The following CP variants were observed in gnomAD, a reference collection of about 807,000 sequenced individuals.
CP encodes ceruloplasmin.
CP carries 64 observed loss-of-function variants against 122.4 expected under a neutral mutation model. The observed-to-expected ratio is 0.52, with a 90% confidence interval of 0.43 to 0.64. The LOEUF is 0.64. Ranked by LOEUF, CP falls within the 30% of genes least tolerant of loss-of-function variation. CP has a pLI of 0.00. For missense variants in CP, 1,167 were observed against 1,284.4 expected, an observed-to-expected ratio of 0.91 and a Z score of 1.40; for synonymous variants, 440 against 436.4, an observed-to-expected ratio of 1.01 and a Z score of -0.10.
At chr3:149,201,997 AAC>A in intron 7 of CP, 103 bp downstream of exon 7, 2 of 1,424,144 alleles carry the variant, frequency 1.4e-6, no homozygotes, top group Non-Finnish European at 2.0e-6. Context: ...ACGCCTACTT[AAC>A]ACATAGAAAT....
rs1727176212 is a variant in CP at position 149,199,797 on chromosome 3, G to A, written c.1416C>T (p.Pro472=). The change falls in exon 8 of 19, where the codon CCC becomes CCT. Residue 472 remains proline, a synonymous_variant. Coordinates refer to ENST00000264613, the MANE Select transcript of CP (RefSeq NM_000096.4). ...RVTFHNKGAY[P]LSIEPIGVRF... The stretch of plus-strand genomic sequence containing the variant: ...TCACCCCAATCGGCTCAATACTGAG[G>A]GGATATGCTCCTTTGTTATGGAAGG... The A allele has an allele frequency of 6.2e-7, 1 of 1,614,084 alleles. No homozygotes were observed. The highest frequency in any genetic ancestry group is 2.2e-5 in the East Asian group (1 of 44,882).
intron 7 of CP, among the ~76,000 whole-genome samples, chr3:149,201,762 AT>A (rs1196487356): frequency 2.0e-5 from 3 of 151,764 alleles, no homozygotes; most frequent in African/African-American, 7.3e-5. Flanking sequence ...CGCCCTGCTA[AT>A]TTTTGTATTT....
At chr3:149,208,049 A>G (rs559327245) in intron 4 of CP, among the ~76,000 whole-genome samples, 1 of 152,284 alleles carries the variant, frequency 6.6e-6, no homozygotes, top group African/African-American at 2.4e-5. Context: ...GAAAATTTCC[A>G]ATTTTCTACC....
chr3:149,207,350 A>G lies in CP; in HGVS notation c.1036+13T>C. ...TTTCAGCTGACTGCTAATTTCAGGT[A>G]AAGATGTCCTACCTTTCAGATGGTT... On this transcript the variant is annotated intron_variant, in intron 5 of 18. Coordinates refer to ENST00000264613, the MANE Select transcript of CP (RefSeq NM_000096.4). 2 of 1,613,848 alleles carry G rather than the reference A, an allele frequency of 1.2e-6. No homozygotes were observed. Among genetic ancestry groups the G allele is most frequent in the African/African-American group, 1.3e-5 (1 of 75,046 alleles).
intron 14 of CP, among the ~76,000 whole-genome samples, chr3:149,181,593 C>T (rs1242419395): frequency 6.6e-6 from 1 of 152,048 alleles, no homozygotes; most frequent in Non-Finnish European, 1.5e-5. Flanking sequence ...TAATATATGC[C>T]AGATACTGTA....
intron 8 of CP, 53 bp from the exon 9 acceptor site, chr3:149,198,631 T>G (rs959498303): frequency 6.6e-7 from 1 of 1,509,346 alleles, no homozygotes; most frequent in African/African-American, 1.4e-5. Flanking sequence ...ACGTGGTCAT[T>G]TGAGCCACAA....
intron 2 of CP, 65 bp downstream of exon 2, chr3:149,212,386 T>C: frequency 6.3e-7 from 1 of 1,584,812 alleles, no homozygotes; most frequent in Non-Finnish European, 8.7e-7. Flanking sequence ...TCCACAATTT[T>C]AGAAGCTAAA....
rs551728579 is a variant in CP, at chr3:149,189,332, T to C, written c.1714-1130A>G. Among the ~76,000 whole-genome samples, 162 of 152,124 alleles carry C rather than the reference T, an allele frequency of 1.1e-3. 2 individuals are homozygous for C. Among genetic ancestry groups the C allele is most frequent in the Middle Eastern group, 3.4e-3 (1 of 294 alleles). On this transcript the variant is annotated intron_variant, in intron 9 of 18. Coordinates refer to ENST00000264613, the MANE Select transcript of CP (RefSeq NM_000096.4). The stretch of plus-strand genomic sequence containing the variant: ...ACTTTGGGAGGCCAAGGCATGTGGA[T>C]CACGAGGTCAGGAGATCGAGACCAT...
At chr3:149,208,273 T>C (rs530473714) in intron 4 of CP, among the ~76,000 whole-genome samples, 1 of 152,230 alleles carries the variant, frequency 6.6e-6, no homozygotes, top group African/African-American at 2.4e-5. Flanking sequence ...CCTAAAAATT[T>C]CCCAAGTGGA....
intron 2 of CP, among the ~76,000 whole-genome samples, chr3:149,211,432 T>C (rs1728091457): frequency 6.6e-6 from 1 of 152,246 alleles, no homozygotes; most frequent in African/African-American, 2.4e-5. Flanking sequence ...CTCAGACCTT[T>C]GTCTATTAAT....
chr3:149,173,162 C>G lies in CP; in HGVS notation c.*552G>C, dbSNP rs899837516. The G allele has an allele frequency of 6.6e-6, 1 of 152,246 alleles. No homozygotes were observed. Among genetic ancestry groups the G allele is most frequent in the African/African-American group, 2.4e-5 (1 of 41,462 alleles). The allele number at this position is 152,246 out of a possible 1,614,324, so 9.4% of individuals were successfully genotyped here. On this transcript the variant is annotated 3_prime_UTR_variant, in exon 19 of 19. Transcript: ENST00000264613. ...TAATCTATAGAATTGTCTCTCAACT[C>G]TGCTTTTCTCCAGTTCCAGATAACG...
In CP at chr3:149,186,649, C is replaced by T. The variant is rs776936158; in HGVS notation, c.1948G>A (p.Gly650Arg). 21 of 1,614,010 alleles carry T rather than the reference C, an allele frequency of 1.3e-5. No individual in the cohort carries two copies. The highest frequency in any genetic ancestry group is 3.3e-5 in the South Asian group (3 of 91,084). ...DSVVWYLFSAGNEADVHGIYF... is the reference protein window; with the variant it reads ...DSVVWYLFSARNEADVHGIYF... ...ATTCCATGTACATCGGCCTCATTTC[C>T]GGCGCTGAATAAGTACCACACGACC... The change falls in exon 11 of 19, where the codon GGA (glycine) becomes AGA (arginine). Residue 650 changes from glycine (G) to arginine (R), a missense_variant. Coordinates refer to ENST00000264613, the MANE Select transcript of CP (RefSeq NM_000096.4).
In CP at chr3:149,202,216, C is replaced by T; in HGVS notation, c.1234G>A (p.Gly412Ser). The change falls in exon 7 of 19, where the codon GGT becomes AGT. Residue 412 changes from glycine to serine, a missense_variant. Physicochemically the swap from Gly to Ser is moderately conservative, Grantham distance 56. Around this residue, in one of 2 missense-constraint regions of CP, gnomAD observed 642 missense variants for 627.3 expected, o/e 1.02. Transcript: ENST00000264613. ...GSDSAVFFEQGTTRIGGSYKK... is the reference protein window; with the variant it reads ...GSDSAVFFEQSTTRIGGSYKK... The stretch of plus-strand genomic sequence containing the variant: ...TAAGAGCCTCCAATTCTTGTGGTAC[C>T]TTGTTCAAAAAACACCGCTGAGTCA... 1 of 1,614,110 alleles carries T rather than the reference C, an allele frequency of 6.2e-7. No individual in the cohort carries two copies. The highest frequency in any genetic ancestry group is 1.3e-5 in the African/African-American group (1 of 75,018).
intron 9 of CP, among the ~76,000 whole-genome samples, chr3:149,197,974 C>A (rs1559948786): frequency 6.6e-6 from 1 of 152,066 alleles, no homozygotes; most frequent in Non-Finnish European, 1.5e-5. Flanking sequence ...TTAAATGATA[C>A]CATACGATAA....
At chr3:149,186,476 T>G (rs1387210420) in intron 11 of CP, 44 bp downstream of exon 11, 5 of 1,584,510 alleles carry the variant, frequency 3.2e-6, no homozygotes, top group Non-Finnish European at 2.6e-6. Flanking sequence ...AAACCAAAAC[T>G]ACACAAATCC....
intron 6 of CP, among the ~76,000 whole-genome samples, chr3:149,202,572 G>A (rs1727406239): frequency 6.6e-6 from 1 of 150,776 alleles, no homozygotes; most frequent in Non-Finnish European, 1.5e-5. Flanking sequence ...AAAACACAGT[G>A]GCTAGTTTTT....
chr3:149,181,209 T>C (rs1275590875), intron 14 of CP, among the ~76,000 whole-genome samples: 1 of 152,154 alleles, frequency 6.6e-6, no homozygotes, highest in Non-Finnish European at 1.5e-5. Context: ...CTGGATCTCA[T>C]CTCTAGCATT....
At chr3:149,191,550 TAAGATCAGACACAAAC>T (rs1262027885) in intron 9 of CP, among the ~76,000 whole-genome samples, 1 of 139,410 alleles carries the variant, frequency 7.2e-6, no homozygotes, top group Admixed American at 6.8e-5. Context: ...ATGTTCTCAT[TAAGATCAGACACAAAC>T]AAGGCTACTG....
intron 9 of CP, among the ~76,000 whole-genome samples, chr3:149,191,255 T>C (rs2108253003): frequency 6.6e-6 from 1 of 151,546 alleles, no homozygotes; most frequent in South Asian, 2.1e-4. Context: ...TTTTTTTTTT[T>C]TTTTTTTTGC....
Sources: gnomAD v4.1 joint callset for allele counts (sites outside exome capture counted in the v4.1 genomes callset) on GRCh38, gnomAD v4.1.1 for gene constraint, gnomAD v4.1.1 regional missense constraint, MANE v1.5 for transcripts, NCBI Gene and HGNC (gene_info 2026-07-23, HGNC 2026-07-21) for gene names.